The following POU6F2 variants were observed in gnomAD, a reference collection of about 807,000 sequenced individuals.
POU6F2 encodes POU domain, class 6, transcription factor 2.
A neutral mutation model predicts 71.3 loss-of-function variants in POU6F2; 31 were observed. The observed-to-expected ratio is 0.43, with a 90% CI of 0.33 to 0.59. POU6F2 has a LOEUF of 0.59. Ranked by LOEUF, POU6F2 falls within the 20% of genes least tolerant of loss-of-function variation. POU6F2 has a pLI of 0.04. For missense variants in POU6F2, 783 were observed against 856.8 expected, an observed-to-expected ratio of 0.91 and a Z score of 1.07; for synonymous variants, 347 against 355.7, an observed-to-expected ratio of 0.98 and a Z score of 0.27.
At chr7:39,270,032 A>G (rs1028803743) in intron 4 of POU6F2, among the ~76,000 whole-genome samples, 2 of 152,260 alleles carry the variant, frequency 1.3e-5, no homozygotes, top group Non-Finnish European at 2.9e-5. Flanking sequence ...GAAAGGACTC[A>G]TAACTGTGTA....
chr7:39,225,086 C>T (rs1794436367), intron 4 of POU6F2, among the ~76,000 whole-genome samples: 1 of 152,188 alleles, frequency 6.6e-6, no homozygotes. Context: ...AAACCTCAAA[C>T]CACTTTGAAT....
intron 5 of POU6F2, among the ~76,000 whole-genome samples, chr7:39,343,069 C>G (rs1785953709): frequency 6.6e-6 from 1 of 152,192 alleles, no homozygotes; most frequent in Admixed American, 6.5e-5. Context: ...CCACCCATGG[C>G]TTCGTTCTTG....
intron 4 of POU6F2, among the ~76,000 whole-genome samples, chr7:39,271,365 G>A (rs749003757): frequency 2.0e-5 from 3 of 152,098 alleles, no homozygotes; most frequent in Non-Finnish European, 2.9e-5. Flanking sequence ...TATGATGTGG[G>A]TGCCTTACAG....
At chr7:39,097,041 ATAAATT>A (rs1037336974) in intron 2 of POU6F2, among the ~76,000 whole-genome samples, 1 of 152,182 alleles carries the variant, frequency 6.6e-6, no homozygotes, top group Non-Finnish European at 1.5e-5. Context: ...CATTTTCAAT[ATAAATT>A]TAATTATGAA....
At chr7:39,100,506 G>A (rs377218661) in intron 2 of POU6F2, among the ~76,000 whole-genome samples, 51 of 152,192 alleles carry the variant, frequency 3.4e-4, no homozygotes, top group African/African-American at 1.2e-3. Flanking sequence ...ACATATTCAT[G>A]CCCTATGCTC....
intron 1 of POU6F2, among the ~76,000 whole-genome samples, chr7:39,038,393 T>A (rs534545427): frequency 1.7e-4 from 26 of 152,160 alleles, no homozygotes; most frequent in African/African-American, 5.8e-4. Flanking sequence ...CTATTTTTAA[T>A]ATAAAATGGT....
At chr7:39,377,244 C>T (rs1171470998) in intron 5 of POU6F2, among the ~76,000 whole-genome samples, 1 of 151,852 alleles carries the variant, frequency 6.6e-6, no homozygotes, top group Non-Finnish European at 1.5e-5. Flanking sequence ...GATTCTCCTG[C>T]CTCAGCCTCC....
In POU6F2 at chr7:39,406,660, G is replaced by A. The variant is rs1483737039; in HGVS notation, c.1033G>A (p.Ala345Thr). The A allele has an allele frequency of 1.2e-6, 2 of 1,613,678 alleles. No individual in the cohort carries two copies. Among genetic ancestry groups the A allele is most frequent in the African/African-American group, 2.7e-5 (2 of 75,004 alleles). Residue 345 changes from alanine to threonine, a missense_variant, in exon 6 of 10, where the codon GCA (alanine) becomes ACA (threonine). Physicochemically the swap from Ala to Thr is moderately conservative, Grantham distance 58 (BLOSUM62 0). Coordinates refer to ENST00000518318, the MANE Select transcript of POU6F2 (RefSeq NM_001370959.1). ...AAAAAAMSSI[A>T]SSQAFGNALS... ...GGCTGCAGCAGCCATGAGCTCCATA[G>A]CAAGCTCACAGGCCTTTGGCAATGC...
intron 1 of POU6F2, among the ~76,000 whole-genome samples, chr7:38,998,763 C>T (rs1434166425): frequency 6.6e-6 from 1 of 151,350 alleles, no homozygotes; most frequent in Non-Finnish European, 1.5e-5. Flanking sequence ...AATTCTCCTG[C>T]CTAAGCCTCC....
chr7:39,000,554 C>G (rs1055216348), intron 1 of POU6F2, among the ~76,000 whole-genome samples: 1 of 151,808 alleles, frequency 6.6e-6, no homozygotes, highest in African/African-American at 2.4e-5. Context: ...CACACACACA[C>G]ACACACACAC....
Position 39,030,541 on chromosome 7 carries a change from T to C in POU6F2, c.105+52483T>C, listed in dbSNP as rs1336695540. Among the ~76,000 whole-genome samples, 279 of 125,764 alleles carry C rather than the reference T, an allele frequency of 2.2e-3. 12 individuals are homozygous for C. The highest frequency in any genetic ancestry group is 7.8e-3 in the African/African-American group (264 of 33,908). The allele number at this position is 125,764 out of a possible 152,430, so 82.5% of individuals were successfully genotyped here. ...ATATATATATATATATATATATATA[T>C]ATACACACACATACATATATTCCAT... is the stretch of plus-strand genomic sequence containing the variant. On this transcript the variant is annotated intron_variant, in intron 1 of 9. Transcript: ENST00000518318.
At chr7:39,438,147 C>G (rs1788294815) in intron 7 of POU6F2, among the ~76,000 whole-genome samples, 1 of 152,104 alleles carries the variant, frequency 6.6e-6, no homozygotes, top group African/African-American at 2.4e-5. Context: ...TTCCTGTGTC[C>G]AAGTGTTCTC....
chr7:39,466,206 A>T lies in POU6F2; in HGVS notation c.*1520A>T, dbSNP rs1162095631. 1 of 152,236 alleles carries T rather than the reference A, an allele frequency of 6.6e-6. No homozygotes were observed. The highest frequency in any genetic ancestry group is 1.5e-5 in the Non-Finnish European group (1 of 68,040). The allele number at this position is 152,236 out of a possible 1,614,324, so 9.4% of individuals were successfully genotyped here. ...GGAAAGGAAGTTTGAAGAAGCTTTC[A>T]CCAAAAGAAAAAAATATAGAAGGGG... On this transcript the variant is annotated 3_prime_UTR_variant, in exon 10 of 10. Coordinates refer to ENST00000518318, the MANE Select transcript of POU6F2 (RefSeq NM_001370959.1).
intron 4 of POU6F2, among the ~76,000 whole-genome samples, chr7:39,286,878 T>C (rs1008070478): frequency 2.0e-5 from 3 of 151,784 alleles, no homozygotes; most frequent in African/African-American, 7.3e-5. Flanking sequence ...TCCTCCCACC[T>C]CGTCCTCCCA....
At chr7:39,053,805 G>T (rs149209939) in intron 1 of POU6F2, among the ~76,000 whole-genome samples, 1,687 of 151,858 alleles carry the variant, frequency 0.011, 37 homozygotes, top group African/African-American at 0.038. Flanking sequence ...ACAACAAAAT[G>T]AAATTTAAAA....
At chr7:39,369,432 G>C (rs1300220082) in intron 5 of POU6F2, among the ~76,000 whole-genome samples, 1 of 151,570 alleles carries the variant, frequency 6.6e-6, no homozygotes, top group Non-Finnish European at 1.5e-5. Flanking sequence ...TGTGATCTCG[G>C]CTCACTGTAA....
At chr7:39,340,869 A>G (rs1036079577) in intron 5 of POU6F2, among the ~76,000 whole-genome samples, 1 of 152,248 alleles carries the variant, frequency 6.6e-6, no homozygotes, top group African/African-American at 2.4e-5. Context: ...TATCAGATCC[A>G]GAAATTAATA....
intron 4 of POU6F2, among the ~76,000 whole-genome samples, chr7:39,210,396 T>C (rs1178369793): frequency 6.6e-6 from 1 of 152,110 alleles, no homozygotes; most frequent in African/African-American, 2.4e-5. Flanking sequence ...AGTCACAAAT[T>C]TGCTAGGATG....
At chr7:39,132,010 C>G (rs988302195) in intron 2 of POU6F2, among the ~76,000 whole-genome samples, 4 of 152,108 alleles carry the variant, frequency 2.6e-5, no homozygotes, top group Admixed American at 2.6e-4. Flanking sequence ...TACAAACAAT[C>G]CAATTATACT....
Sources: allele counts gnomAD v4.1 joint callset (sites outside exome capture counted in the v4.1 genomes callset), GRCh38; gene constraint gnomAD v4.1.1; transcripts MANE v1.5; gene names NCBI Gene and HGNC (gene_info 2026-07-23, HGNC 2026-07-21).